The following ZNF726 variants were observed in gnomAD, a reference collection of about 807,000 sequenced individuals.
The protein encoded by ZNF726 is zinc finger protein 92 pseudogene 3.
A neutral mutation model predicts 11.6 loss-of-function variants in ZNF726; 15 were observed. That is an observed-to-expected ratio of 1.29 (90% CI 0.86 to 1.99). The LOEUF (loss-of-function observed/expected upper bound fraction) is 1.99. Among genes scored for constraint, ZNF726 ranks in the 30% most tolerant of loss-of-function variants. The probability of loss-of-function intolerance (pLI) is 0.00; values close to 1 mark genes in which losing one functional copy is unlikely to be tolerated. For missense variants in ZNF726, 890 were observed against 725.6 expected, an observed-to-expected ratio of 1.23 and a Z score of -2.60; for synonymous variants, 295 against 243.6, an observed-to-expected ratio of 1.21 and a Z score of -1.96.
chr19:23,933,811 C>T lies in ZNF726; in HGVS notation c.1695C>T (p.Tyr565=), dbSNP rs777754402. The T allele has an allele frequency of 5.0e-6, 8 of 1,605,432 alleles. No homozygotes were observed. The African/African-American group carries it at 9.4e-5, about 19-fold the overall frequency. ...HKIIHTGEKP[Y]KCEECGKAFN... ...TAATTCATACTGGAGAGAAACCTTA[C>T]AAGTGTGAAGAATGTGGAAAAGCGT... Residue 565 remains tyrosine (Y), a synonymous_variant, in exon 4 of 4, where the codon TAC becomes TAT. Coordinates refer to ENST00000594466, the MANE Select transcript of ZNF726 (RefSeq NM_001244038.2).
rs755517312 is a variant in ZNF726 at position 23,932,916 on chromosome 19, G to A, written c.800G>A (p.Ser267Asn). The A allele has an allele frequency of 3.1e-6, 5 of 1,608,888 alleles. No individual in the cohort carries two copies. Among genetic ancestry groups the A allele is most frequent in the South Asian group, 1.1e-5 (1 of 90,734 alleles). Residue 267 changes from serine to asparagine, a missense_variant, in exon 4 of 4, where the codon AGC becomes AAC. Physicochemically the swap from Ser to Asn is conservative, Grantham distance 46. Coordinates refer to ENST00000594466, the MANE Select transcript of ZNF726 (RefSeq NM_001244038.2). ...TGTGAAGAATGTGGCAAAGCATTTA[G>A]CCAATCCTCAACACTAACCATACAT... The part of the protein sequence containing the change: ...YKCEECGKAF[S>N]QSSTLTIHKR...
At chr19:23,930,526 A>G (rs1043098284) in intron 3 of ZNF726, among the ~76,000 whole-genome samples, 8 of 152,166 alleles carry the variant, frequency 5.3e-5, no homozygotes, top group African/African-American at 9.6e-5. Context: ...GAGCAAAATC[A>G]TATATGAATT....
intron 1 of ZNF726, among the ~76,000 whole-genome samples, chr19:23,915,330 C>T (rs1441199157): frequency 6.6e-6 from 1 of 152,134 alleles, no homozygotes; most frequent in Non-Finnish European, 1.5e-5. Flanking sequence ...CGGGTGCGGG[C>T]TCATGAATGG....
At chr19:23,934,777 C>G (rs771041376), downstream of ZNF726, among the ~76,000 whole-genome samples, 9 of 152,200 alleles carry the variant, frequency 5.9e-5, no homozygotes, top group Non-Finnish European at 1.2e-4. Context: ...AAGGCTCCCT[C>G]TCTCACAGAG....
chr19:23,926,239 C>G (rs901058285), intron 3 of ZNF726, among the ~76,000 whole-genome samples: 1 of 151,804 alleles, frequency 6.6e-6, no homozygotes, highest in Admixed American at 6.6e-5. Flanking sequence ...GTCGTGTTTT[C>G]CCTATATATT....
rs568714941 is a variant in ZNF726 at position 23,915,190 on chromosome 19, T to C, written c.3+193T>C. Among the ~76,000 whole-genome samples the C allele has an allele frequency of 5.9e-5, 9 of 152,308 alleles. No homozygotes were observed. The East Asian group carries it at 1.7e-3, about 29-fold the overall frequency. On this transcript the variant is annotated intron_variant, in intron 1 of 3. Coordinates refer to ENST00000594466, the MANE Select transcript of ZNF726 (RefSeq NM_001244038.2). ...CTGACAGCCGGGCTCCCGGGCGTTC[T>C]GTCTCTTCACTGCGCAGTGACTGTG... is the stretch of plus-strand genomic sequence containing the variant.
intron 3 of ZNF726, among the ~76,000 whole-genome samples, chr19:23,931,496 AT>A (rs1248351921): frequency 2.6e-5 from 4 of 151,950 alleles, no homozygotes; most frequent in East Asian, 1.9e-4. Flanking sequence ...TATAAATCTT[AT>A]TTTTTTATGG....
At chr19:23,943,788 T>G (rs1290580811) in intron 4 of ZNF726, 1 of 392,428 alleles carries the variant, frequency 2.5e-6, no homozygotes, top group African/African-American at 2.0e-5. Flanking sequence ...CTACTTCCTA[T>G]TTAGTGATTT....
chr19:23,936,731 G>T (rs1037150318), downstream of ZNF726, among the ~76,000 whole-genome samples: 52 of 151,080 alleles, frequency 3.4e-4, no homozygotes, highest in Middle Eastern at 3.4e-3. Flanking sequence ...ATGGCAGTTT[G>T]ATTTTTATTT....
At chr19:23,923,354 T>C in intron 3 of ZNF726, 2 of 394,616 alleles carry the variant, frequency 5.1e-6, no homozygotes, top group Non-Finnish European at 9.7e-6. Context: ...ATCTCCTATT[T>C]ATGATTGTAC....
intron 3 of ZNF726, among the ~76,000 whole-genome samples, chr19:23,943,202 G>C (rs1180523153): frequency 6.6e-6 from 1 of 152,122 alleles, no homozygotes; most frequent in Non-Finnish European, 1.5e-5. Context: ...TGTATATTTA[G>C]TAGAGATGGG....
At chr19:23,936,943 A>T (rs1161377380), downstream of ZNF726, among the ~76,000 whole-genome samples, 2 of 151,870 alleles carry the variant, frequency 1.3e-5, no homozygotes, top group South Asian at 4.2e-4. Flanking sequence ...CGCCATTGTC[A>T]TCATGGCCCG....
chr19:23,939,943 G>T (rs1354895169), intron 3 of ZNF726, among the ~76,000 whole-genome samples: 1 of 141,538 alleles, frequency 7.1e-6, no homozygotes, highest in Non-Finnish European at 1.5e-5. Flanking sequence ...CAGATGTATA[G>T]ATTGTGAAGA....
chr19:23,926,282 C>T (rs537351445), intron 3 of ZNF726, among the ~76,000 whole-genome samples: 3 of 152,012 alleles, frequency 2.0e-5, no homozygotes, highest in East Asian at 3.9e-4. Context: ...CGGTCGGGTG[C>T]GGTGGCTCAT....
chr19:23,940,077 A>G (rs975335387), intron 3 of ZNF726, among the ~76,000 whole-genome samples: 2 of 151,854 alleles, frequency 1.3e-5, no homozygotes, highest in Non-Finnish European at 2.9e-5. Context: ...GCTTTTGGTC[A>G]TGAAATTTTT....
rs1462244634 is a variant in ZNF726 at position 23,923,065 on chromosome 19, A to G, written c.226+2983A>G. Among the ~76,000 whole-genome samples the G allele has an allele frequency of 2.0e-5, 3 of 152,122 alleles. No individual in the cohort carries two copies. In the South Asian group the frequency reaches 6.2e-4, roughly 32 times the overall value. ...ACATGTTGTTCCTGAATTAAATTAGATAATACGCAGGCAGGCAAAAAGGAA... is the reference window on the plus strand; with the variant it reads ...ACATGTTGTTCCTGAATTAAATTAGGTAATACGCAGGCAGGCAAAAAGGAA... On this transcript the variant is annotated intron_variant, in intron 3 of 3. Coordinates refer to ENST00000594466, the MANE Select transcript of ZNF726 (RefSeq NM_001244038.2).
chr19:23,925,958 G>A (rs867106404), intron 3 of ZNF726, among the ~76,000 whole-genome samples: 11 of 150,994 alleles, frequency 7.3e-5, no homozygotes, highest in Admixed American at 2.0e-4. Context: ...CTCGTGATCC[G>A]CCTGCCTCTG....
Position 23,934,244 on chromosome 19 carries a change from A to G in ZNF726, c.*277A>G. The G allele has an allele frequency of 1.5e-6, 1 of 677,838 alleles. No homozygotes were observed. Among genetic ancestry groups the G allele is most frequent in the Non-Finnish European group, 2.8e-6 (1 of 360,530 alleles). 42.0% of individuals were successfully genotyped at this position (677,838 alleles called of 1,614,324 possible). On this transcript the variant is annotated 3_prime_UTR_variant, in exon 4 of 4. Coordinates refer to ENST00000594466, the MANE Select transcript of ZNF726 (RefSeq NM_001244038.2). The stretch of plus-strand genomic sequence containing the variant: ...CCTACAAATGTGAAAAATGTGGCAA[A>G]GCATATGGTCCACACCCCTAAGTAG...
chr19:23,936,279 C>T (rs1193734205), downstream of ZNF726: 1 of 152,150 alleles, frequency 6.6e-6, no homozygotes, highest in East Asian at 1.9e-4. Context: ...TACACTAAAT[C>T]AGTGCTGAGT....
Sources: allele counts gnomAD v4.1 joint callset (sites outside exome capture counted in the v4.1 genomes callset), GRCh38; gene constraint gnomAD v4.1.1; transcripts MANE v1.5; gene names NCBI Gene and HGNC (gene_info 2026-07-23, HGNC 2026-07-21).